MAP7D3: variants seen among roughly 807,000 people sequenced by gnomAD.
The protein encoded by MAP7D3 is MAP7 domain containing 3.
A neutral mutation model predicts 62.2 loss-of-function variants in MAP7D3; 45 were observed. The observed-to-expected ratio is 0.72, with a 90% CI of 0.57 to 0.93. MAP7D3 has a LOEUF of 0.93. MAP7D3 is among the 40% of genes least tolerant of loss of function. The probability of loss-of-function intolerance (pLI) is 0.00; values close to 1 mark genes in which losing one functional copy is unlikely to be tolerated. For synonymous variants in MAP7D3, 288 were observed against 248.8 expected, an observed-to-expected ratio of 1.16 and a Z score of -1.48; for missense variants, 711 against 683.1, an observed-to-expected ratio of 1.04 and a Z score of -0.45.
intron 3 of MAP7D3, among the ~76,000 whole-genome samples, chrX:136,245,295 G>A (rs1057501784): frequency 1.8e-5 from 2 of 111,218 alleles, no homozygotes; most frequent in African/African-American, 6.5e-5. Context: ...TTACAGGAGA[G>A]CAAAATTTTT....
rs146541671 is a variant in MAP7D3, at chrX:136,237,216, G to T, written c.641-877C>A. 8.7e-3 allele frequency among the ~76,000 whole-genome samples: 979 copies of T among 111,957 alleles called. 5 individuals carry two copies. Among genetic ancestry groups the T allele is most frequent in the Middle Eastern group, 0.032 (7 of 217 alleles). On this transcript the variant is annotated intron_variant, in intron 6 of 18. Transcript: ENST00000316077. ...TACATGTTGACAACACAGTATCATCGGAAAATTCCTTGAATTAATAATGTG... is the reference window on the plus strand; with the variant it reads ...TACATGTTGACAACACAGTATCATCTGAAAATTCCTTGAATTAATAATGTG...
rs779659408 is a variant in MAP7D3, at chrX:136,232,184, G to A, written c.773C>T (p.Thr258Ile). Residue 258 changes from threonine (T) to isoleucine (I), a missense_variant, in exon 8 of 19, where the codon ACT becomes ATT. Transcript: ENST00000316077. ...GVTNYVMQYV[T>I]VPLRKCTSDE... Reference sequence around the variant, plus strand: ...GCTAGTACATTTACGCAAGGGTACAGTGACATACTGCATTACATAATTGGT... The same window carrying A: ...GCTAGTACATTTACGCAAGGGTACAATGACATACTGCATTACATAATTGGT... 1.6e-5 allele frequency: 19 copies of A among 1,204,653 alleles called. No homozygotes were observed. The South Asian group carries it at 3.2e-4, about 20-fold the overall frequency.
Position 136,222,460 on chromosome X carries a change from T to C in MAP7D3, c.2220A>G (p.Ile740Met). ...SKVTETSSHDIYEEAEADNEE... is the reference protein window; with the variant it reads ...SKVTETSSHDMYEEAEADNEE... ...CGTTGTCAGCCTCAGCCTCTTCATATATGTCATGGCTGGATGTTTCTGTGA... is the reference window on the plus strand; with the variant it reads ...CGTTGTCAGCCTCAGCCTCTTCATACATGTCATGGCTGGATGTTTCTGTGA... The change falls in exon 15 of 19, where the codon ATA becomes ATG. Residue 740 changes from isoleucine (I) to methionine (M), a missense_variant. By Grantham distance (10) the Ile-to-Met change is conservative (BLOSUM62 1). Transcript: ENST00000316077. 8.3e-7 allele frequency: 1 copy of C among 1,206,806 alleles called. No homozygotes were observed. The highest frequency in any genetic ancestry group is 1.1e-6 in the Non-Finnish European group (1 of 890,963).
rs2074267559 is a variant in MAP7D3, at chrX:136,231,590, G to C, written c.1367C>G (p.Ala456Gly). 8.3e-7 allele frequency: 1 copy of C among 1,208,437 alleles called. No individual in the cohort carries two copies. The highest frequency in any genetic ancestry group is 1.8e-5 in the South Asian group (1 of 56,434). Reference protein sequence around the residue: ...VKASPKTSLEASMEASPKAKA... With the variant: ...VKASPKTSLEGSMEASPKAKA... Reference sequence around the variant, plus strand: ...TGCCTTGGGAGATGCTTCCATGCTTGCTTCAAGGGATGTCTTGGGGGATGC... The same window carrying C: ...TGCCTTGGGAGATGCTTCCATGCTTCCTTCAAGGGATGTCTTGGGGGATGC... The change falls in exon 8 of 19, where the codon GCA (alanine) becomes GGA (glycine). Residue 456 changes from alanine to glycine, a missense_variant. Transcript: ENST00000316077.
intron 13 of MAP7D3, 23 bp downstream of exon 13, chrX:136,225,886 C>T (rs778005330): frequency 1.0e-6 from 1 of 994,825 alleles, no homozygotes; most frequent in Non-Finnish European, 1.4e-6. Context: ...AGAATCAAGT[C>T]CCCCCAAACA....
intron 16 of MAP7D3, among the ~76,000 whole-genome samples, chrX:136,220,484 T>G (rs1036180527): frequency 1.8e-5 from 2 of 112,418 alleles, no homozygotes; most frequent in African/African-American, 6.5e-5. Flanking sequence ...GAGCCAGATG[T>G]ATCTGGAATT....
chrX:136,255,337 A>G (rs1216756017), upstream of MAP7D3, among the ~76,000 whole-genome samples: 1 of 113,061 alleles, frequency 8.8e-6, no homozygotes, highest in Non-Finnish European at 1.9e-5. Flanking sequence ...CAAGGTCCAT[A>G]CATTGCATTA....
At chrX:136,249,271 C>T (rs776392504) in intron 1 of MAP7D3, among the ~76,000 whole-genome samples, 1 of 112,202 alleles carries the variant, frequency 8.9e-6, no homozygotes. Flanking sequence ...TGTCAATCTC[C>T]GTAGCTTTTT....
At chrX:136,251,882 G>C (rs982254972), upstream of MAP7D3, among the ~76,000 whole-genome samples, 2 of 111,717 alleles carry the variant, frequency 1.8e-5, no homozygotes, top group African/African-American at 6.5e-5. Flanking sequence ...GCCCCATCAT[G>C]AGTAGGCTTC....
chrX:136,231,027 T>A, intron 8 of MAP7D3, 61 bp from the exon 9 acceptor site: 1 of 186,129 alleles, frequency 5.4e-6, no homozygotes, highest in Non-Finnish European at 8.5e-6. Flanking sequence ...TGCAGCTGGC[T>A]TTTTTTTTTT....
chrX:136,228,890 A>G lies in MAP7D3; in HGVS notation c.1751-132T>C, dbSNP rs769979700. On this transcript the variant is annotated intron_variant, in intron 10 of 18. Transcript: ENST00000316077. Reference sequence around the variant, plus strand: ...GTCCAAAATTTATAAATCACAAGCAAACTATAGGTGATTATCTAACAGATT... The same window carrying G: ...GTCCAAAATTTATAAATCACAAGCAGACTATAGGTGATTATCTAACAGATT... 9 of 428,261 alleles carry G rather than the reference A, an allele frequency of 2.1e-5. No homozygotes were observed. The South Asian group carries it at 8.0e-4, about 38-fold the overall frequency. The allele number at this position is 428,261 out of a possible 1,213,427, so 35.3% of individuals were successfully genotyped here.
At chrX:136,226,325 G>A in intron 12 of MAP7D3, among the ~76,000 whole-genome samples, 1 of 111,361 alleles carries the variant, frequency 9.0e-6, no homozygotes, top group Non-Finnish European at 1.9e-5. Flanking sequence ...GGAGCCAACA[G>A]CCTGACATTT....
rs1270934577 is a variant in MAP7D3 at position 136,251,366 on chromosome X, G to A, written c.-8C>T. ...GGCGCCGTCCGCCATCATCGGAGTC[G>A]GGACCGGAGGCGGTGGTGGCTCTCC... On this transcript the variant is annotated 5_prime_UTR_variant, in exon 1 of 19. An upstream open reading frame in the 5' UTR gains an earlier in-frame stop. Coordinates refer to ENST00000316077, the MANE Select transcript of MAP7D3 (RefSeq NM_024597.4). 19 of 1,112,386 alleles carry A rather than the reference G, an allele frequency of 1.7e-5. No homozygotes were observed. The highest frequency in any genetic ancestry group is 3.8e-5 in the African/African-American group (2 of 52,232). 91.7% of individuals were successfully genotyped at this position (1,112,386 alleles called of 1,213,427 possible).
At chrX:136,223,906 G>C (rs369565606) in intron 14 of MAP7D3, among the ~76,000 whole-genome samples, 1 of 108,674 alleles carries the variant, frequency 9.2e-6, no homozygotes, top group Non-Finnish European at 1.9e-5. Flanking sequence ...TAAAAAATTA[G>C]CCAGGTGTGG....
At chrX:136,215,696 G>A (rs949201817), downstream of MAP7D3, among the ~76,000 whole-genome samples, 1 of 112,371 alleles carries the variant, frequency 8.9e-6, no homozygotes, top group African/African-American at 3.2e-5. Flanking sequence ...TGCCAAAAAG[G>A]TTGGGGACTG....
chrX:136,228,082 A>G (rs1185482743), intron 11 of MAP7D3, among the ~76,000 whole-genome samples: 1 of 112,067 alleles, frequency 8.9e-6, no homozygotes, highest in African/African-American at 3.2e-5. Context: ...AGATGGAGGA[A>G]CAAGAAACCT....
At chrX:136,243,002 T>C (rs776432552) in intron 4 of MAP7D3, among the ~76,000 whole-genome samples, 53 of 110,861 alleles carry the variant, frequency 4.8e-4, no homozygotes, top group Non-Finnish European at 8.5e-4. Flanking sequence ...GGGAGAGATA[T>C]AGTACACCAT....
In MAP7D3 at chrX:136,227,294, G is replaced by T. The variant is rs770404598; in HGVS notation, c.2024C>A (p.Ala675Glu). The T allele has an allele frequency of 4.1e-6, 5 of 1,205,906 alleles. No homozygotes were observed. Among genetic ancestry groups the T allele is most frequent in the Non-Finnish European group, 4.5e-6 (4 of 893,854 alleles). The change falls in exon 12 of 19, where the codon GCA (alanine) becomes GAA (glutamate). Residue 675 changes from alanine (A) to glutamate (E), a missense_variant. Ala to Glu is a moderately radical substitution (Grantham distance 107). Transcript: ENST00000316077. ...KGWLDQEDQE[A>E]PLQKGDAKIK... The stretch of plus-strand genomic sequence containing the variant: ...GTCAAGTCAGCAAACCTGCAGTGGT[G>T]CTTCCTGGTCTTCCTGATCCAGCCA...
intron 16 of MAP7D3, among the ~76,000 whole-genome samples, chrX:136,220,195 C>T (rs112744824): frequency 7.4e-4 from 83 of 111,722 alleles, no homozygotes; most frequent in African/African-American, 2.5e-3. Context: ...TGGTGGCTTA[C>T]GCCTGTAATC....
Sources: allele counts gnomAD v4.1 joint callset (sites outside exome capture counted in the v4.1 genomes callset), GRCh38; gene constraint gnomAD v4.1.1; transcripts MANE v1.5; gene names NCBI Gene and HGNC (gene_info 2026-07-23, HGNC 2026-07-21).